Variants in SFTPB observed in about 807,000 individuals in gnomAD.
SFTPB encodes the protein surfactant protein B.
A neutral mutation model predicts 51.0 loss-of-function variants in SFTPB; 32 were observed. The ratio of observed to expected loss-of-function variants is 0.63; its 90% CI spans 0.47 to 0.84. The LOEUF is 0.84. SFTPB is among the 40% of genes least tolerant of loss of function. The pLI, the probability that SFTPB is intolerant of heterozygous loss-of-function variation, is 0.00. For synonymous variants in SFTPB, 211 were observed against 208.5 expected (o/e 1.01, Z -0.10); for missense variants, 431 against 491.2 (o/e 0.88, Z 1.16).
intron 3 of SFTPB, 58 bp from the exon 4 acceptor site, chr2:85,666,800 C>G: frequency 6.2e-6 from 10 of 1,610,746 alleles, no homozygotes; most frequent in Non-Finnish European, 7.6e-6. Context: ...CCGCCCAAGT[C>G]CCTGGACACA....
At chr2:85,662,638 C>T (rs184625639) in intron 8 of SFTPB, among the ~76,000 whole-genome samples, 9 of 152,080 alleles carry the variant, frequency 5.9e-5, no homozygotes, top group Non-Finnish European at 1.3e-4. Context: ...GTCAGGGGTT[C>T]GAGACCAGCC....
intron 10 of SFTPB, among the ~76,000 whole-genome samples, chr2:85,661,024 G>GTCAGATGATCACGGCCTC (rs1489780882): frequency 6.6e-6 from 1 of 152,218 alleles, no homozygotes; most frequent in Admixed American, 6.5e-5. Context: ...GGAGGGTGGA[G>GTCAGATGATCACGGCCTC]TCAGATGATC....
In SFTPB at chr2:85,661,323, C is replaced by T. The variant is rs946834724; in HGVS notation, c.*19+131G>A. The T allele has an allele frequency of 5.5e-4, 361 of 652,218 alleles. 4 individuals are homozygous for T. The highest frequency in any genetic ancestry group is 6.8e-4 in the Admixed American group (30 of 44,400). The allele number at this position is 652,218 out of a possible 1,614,324, so 40.4% of individuals were successfully genotyped here. On this transcript the variant is annotated intron_variant, in intron 10 of 10. Coordinates refer to ENST00000519937, the MANE Select transcript of SFTPB (RefSeq NM_000542.5). The stretch of plus-strand genomic sequence containing the variant: ...AAGCCCTCAGGAGCCTCCAGCTGTG[C>T]GGTGAGAGGGAGGATGGAGCAGCCG...
At chr2:85,660,444 CTTTTT>C (rs67187198) in intron 10 of SFTPB, among the ~76,000 whole-genome samples, 2 of 97,464 alleles carry the variant, frequency 2.1e-5, no homozygotes, top group African/African-American at 9.4e-5. Context: ...AAAGAAATAC[CTTTTT>C]TTTTTTTTTT....
chr2:85,662,235 G>C (rs1677344402), intron 8 of SFTPB, 126 bp from the exon 9 acceptor site: 1 of 1,530,368 alleles, frequency 6.5e-7, no homozygotes, highest in African/African-American at 1.4e-5. Flanking sequence ...AGCCCTCACG[G>C]AACACCTCTG....
intron 9 of SFTPB, 40 bp from the exon 10 acceptor site, chr2:85,661,575 C>G (rs764091759): frequency 4.5e-6 from 7 of 1,540,708 alleles, no homozygotes; most frequent in Non-Finnish European, 6.2e-6. Flanking sequence ...CCTGGGCCCC[C>G]TCAGCTCCCC....
At chr2:85,662,161 T>C (rs1366906211) in intron 8 of SFTPB, 52 bp from the exon 9 acceptor site, 2 of 1,566,420 alleles carry the variant, frequency 1.3e-6, no homozygotes, top group African/African-American at 1.3e-5. Context: ...GACTCTCCTG[T>C]CGTGTGGTCC....
intron 6 of SFTPB, among the ~76,000 whole-genome samples, chr2:85,664,534 G>A (rs532101850): frequency 5.9e-5 from 9 of 152,144 alleles, no homozygotes; most frequent in African/African-American, 1.9e-4. Flanking sequence ...GCGTGATGTC[G>A]GCTCACTGCA....
intron 1 of SFTPB, 63 bp from the exon 2 acceptor site, chr2:85,667,869 T>C: frequency 6.2e-7 from 1 of 1,610,702 alleles, no homozygotes; most frequent in East Asian, 2.2e-5. Context: ...CATCATGATT[T>C]CACCCACCCT....
At chr2:85,667,570 A>AAT (rs1677715245) in intron 2 of SFTPB, 109 bp downstream of exon 2, 1 of 1,374,520 alleles carries the variant, frequency 7.3e-7, no homozygotes, top group Admixed American at 1.7e-5. Context: ...ATCCCATTTC[A>AAT]TCTCATCCAT....
intron 9 of SFTPB, among the ~76,000 whole-genome samples, chr2:85,661,738 C>T (rs968728232): frequency 8.5e-5 from 13 of 152,284 alleles, no homozygotes; most frequent in Middle Eastern, 6.8e-3. Context: ...TCCAGAACAC[C>T]CACTTTGTAC....
chr2:85,663,287 G>T, intron 8 of SFTPB, 59 bp downstream of exon 8: 1 of 1,598,860 alleles, frequency 6.3e-7, no homozygotes, highest in Admixed American at 1.7e-5. Flanking sequence ...CCTTTCCTGG[G>T]CTCAGCCTTC....
chr2:85,661,630 G>T, intron 9 of SFTPB, 95 bp from the exon 10 acceptor site: 2 of 1,027,378 alleles, frequency 1.9e-6, no homozygotes, highest in Non-Finnish European at 1.5e-6. Flanking sequence ...TCCACCTCCC[G>T]CCTAGTGGGT....
chr2:85,667,848 T>A (rs754761252), intron 1 of SFTPB, 42 bp from the exon 2 acceptor site: 4 of 1,613,900 alleles, frequency 2.5e-6, no homozygotes, highest in Non-Finnish European at 3.4e-6. Context: ...GGATCCAGGC[T>A]ACACACCTGG....
chr2:85,666,793 C>T, intron 3 of SFTPB, 51 bp from the exon 4 acceptor site: 6 of 1,612,218 alleles, frequency 3.7e-6, no homozygotes, highest in Non-Finnish European at 5.1e-6. Context: ...GTCTACCCCG[C>T]CCAAGTCCCT....
rs1457408569 is a variant in SFTPB, at chr2:85,665,606, C to T, written c.582G>A (p.Gln194=). 1 of 1,613,238 alleles carries T rather than the reference C, an allele frequency of 6.2e-7. No homozygotes were observed. Among genetic ancestry groups the T allele is most frequent in the Non-Finnish European group, 8.5e-7 (1 of 1,179,784 alleles). ...ALQARPGPHT[Q]DLSEQQFPIP... ...TACTGGCTGTGGGGGCCTCCCTCAC[C>T]TGTGTGTGAGGCCCAGGCCTCGCCT... is the stretch of plus-strand genomic sequence containing the variant. The change falls in exon 5 of 11, where the codon CAG becomes CAA. Residue 194 remains glutamine, a splice_region_variant and synonymous_variant. Transcript: ENST00000519937.
chr2:85,668,235 G>T (rs1302448379), upstream of SFTPB: 5 of 1,526,036 alleles, frequency 3.3e-6, no homozygotes, highest in African/African-American at 4.1e-5. Context: ...CTTATAGCTG[G>T]GCGGGGCGTG....
At position 85,663,935 on chromosome 2, in the gene SFTPB, C is replaced by T. The variant is rs558692937; in HGVS notation, c.673-88G>A. The T allele has an allele frequency of 1.4e-4, 171 of 1,237,722 alleles. No homozygotes were observed. The East Asian group carries it at 3.9e-3, about 28-fold the overall frequency. 76.7% of individuals were successfully genotyped at this position (1,237,722 alleles called of 1,614,324 possible). ...CCAGCACCCAGCTGGGCACTTCCTA[C>T]GCATTCCCTCATTCTCTTCTAGAAG... is the stretch of plus-strand genomic sequence containing the variant. On this transcript the variant is annotated intron_variant, in intron 6 of 10. Coordinates refer to ENST00000519937, the MANE Select transcript of SFTPB (RefSeq NM_000542.5).
At chr2:85,664,312 G>A (rs1440411179) in intron 6 of SFTPB, among the ~76,000 whole-genome samples, 10 of 152,166 alleles carry the variant, frequency 6.6e-5, no homozygotes, top group Admixed American at 6.5e-4. Flanking sequence ...TGGCCAGTGT[G>A]TAAAAGTCAC....
Sources: allele counts gnomAD v4.1 joint callset (sites outside exome capture counted in the v4.1 genomes callset), GRCh38; gene constraint gnomAD v4.1.1; transcripts MANE v1.5; gene names NCBI Gene and HGNC (gene_info 2026-07-23, HGNC 2026-07-21).